Variants in ATP1A2 observed in about 807,000 individuals in gnomAD.
ATP1A2 encodes the protein ATPase Na+/K+ transporting subunit alpha 2.
ATP1A2 carries 56 observed loss-of-function variants against 113.1 expected under a neutral mutation model. The ratio of observed to expected loss-of-function variants is 0.49; its 90% CI spans 0.40 to 0.62. The LOEUF (loss-of-function observed/expected upper bound fraction) is 0.62, where lower values mean the gene tolerates loss of function less well. ATP1A2 is among the 20% of genes least tolerant of loss of function. The pLI, the probability that ATP1A2 is intolerant of heterozygous loss-of-function variation, is 0.00. For missense variants in ATP1A2, 712 were observed against 1,357.8 expected (o/e 0.52, Z 7.47); for synonymous variants, 490 against 526.8 (o/e 0.93, Z 0.96).
chr1:160,130,618 C>G, intron 13 of ATP1A2, 21 bp downstream of exon 13: 1 of 1,613,982 alleles, frequency 6.2e-7, no homozygotes, highest in African/African-American at 1.3e-5. Context: ...CCCATCCTCC[C>G]CTCCATTCTA....
In ATP1A2 at chr1:160,136,321, G is replaced by A. The variant is rs140646289; in HGVS notation, c.2514G>A (p.Thr838=). Residue 838 remains threonine, a synonymous_variant, in exon 18 of 23, where the codon ACG becomes ACA. Coordinates refer to ENST00000361216, the MANE Select transcript of ATP1A2 (RefSeq NM_000702.4). ...IMKRQPRNSQ[T]DKLVNERLIS... ...AGCGGCAGCCACGAAACTCCCAGAC[G>A]GACAAGCTGGTGAATGAGAGGCTCA... 2.3e-4 allele frequency: 376 copies of A among 1,614,190 alleles called. 1 individual carries two copies. The highest frequency in any genetic ancestry group is 3.0e-4 in the Non-Finnish European group (356 of 1,180,020).
intron 1 of ATP1A2, among the ~76,000 whole-genome samples, chr1:160,118,054 T>C (rs1382617105): frequency 1.3e-5 from 2 of 151,644 alleles, no homozygotes; most frequent in Non-Finnish European, 2.9e-5. Flanking sequence ...GAGCCTGAGA[T>C]CTTTGCCAGG....
chr1:160,121,353 A>T (rs1163350448), intron 3 of ATP1A2, 102 bp downstream of exon 3: 3 of 1,378,514 alleles, frequency 2.2e-6, no homozygotes, highest in African/African-American at 1.4e-5. Flanking sequence ...TTCTTTACAG[A>T]TGAGGAAACT....
At chr1:160,131,617 G>A (rs1469217716) in intron 13 of ATP1A2, among the ~76,000 whole-genome samples, 2 of 152,062 alleles carry the variant, frequency 1.3e-5, no homozygotes, top group African/African-American at 4.8e-5. Context: ...CCTGAGATAA[G>A]GAGTCCAAGA....
chr1:160,137,351 A>C (rs1570995997), intron 20 of ATP1A2: 4 of 411,808 alleles, frequency 9.7e-6, no homozygotes, highest in South Asian at 2.3e-5. Context: ...TTCTGTGCCC[A>C]CCCCTCCCCT....
chr1:160,134,771 G>A (rs1285538684), intron 14 of ATP1A2, 151 bp downstream of exon 14: 1 of 1,218,698 alleles, frequency 8.2e-7, no homozygotes, highest in Non-Finnish European at 1.2e-6. Flanking sequence ...TCAGCCCTGA[G>A]CTTGTATCCA....
At chr1:160,139,838 G>A in intron 21 of ATP1A2, 55 bp from the exon 22 acceptor site, 1 of 1,611,344 alleles carries the variant, frequency 6.2e-7, no homozygotes, top group Non-Finnish European at 8.5e-7. Flanking sequence ...TCCTTTATGT[G>A]ACAGCCACCA....
chr1:160,119,038 G>C (rs1292838872), intron 1 of ATP1A2, among the ~76,000 whole-genome samples: 3 of 151,788 alleles, frequency 2.0e-5, no homozygotes, highest in Admixed American at 2.0e-4. Context: ...TATGGGCTTT[G>C]GACGATAAAG....
intron 3 of ATP1A2, among the ~76,000 whole-genome samples, chr1:160,122,286 T>C (rs1253309815): frequency 1.3e-5 from 2 of 152,158 alleles, no homozygotes; most frequent in African/African-American, 4.8e-5. Context: ...TATGTATTTG[T>C]TTATTGTGTG....
rs114755032 is a variant in ATP1A2 at position 160,127,036 on chromosome 1, C to A, written c.749-516C>A. Among the ~76,000 whole-genome samples, 192 of 152,074 alleles carry A rather than the reference C, an allele frequency of 1.3e-3. 1 individual carries two copies. Among genetic ancestry groups the A allele is most frequent in the African/African-American group, 4.3e-3 (180 of 41,468 alleles). On this transcript the variant is annotated intron_variant, in intron 7 of 22. Coordinates refer to ENST00000361216, the MANE Select transcript of ATP1A2 (RefSeq NM_000702.4). ...GATTCAAACCCAAATTTGGCTGGCT[C>A]CAATGTGCATGCTTTTTTCAATACA...
intron 8 of ATP1A2, 52 bp downstream of exon 8, chr1:160,127,872 C>T (rs1651632282): frequency 1.3e-6 from 2 of 1,537,946 alleles, no homozygotes; most frequent in Non-Finnish European, 1.7e-6. Flanking sequence ...CTACTCTTTC[C>T]TCAGAGTGAT....
chr1:160,132,270 C>G (rs6686067), intron 13 of ATP1A2, among the ~76,000 whole-genome samples: 1 of 151,808 alleles, frequency 6.6e-6, no homozygotes, highest in African/African-American at 2.4e-5. Context: ...GACTGGAACA[C>G]TGGGTCAGAG....
rs748438293 is a variant in ATP1A2, at chr1:160,136,960, C to T, written c.2769C>T (p.Ile923=). The change falls in exon 20 of 23, where the codon ATC becomes ATT. Residue 923 remains isoleucine, a synonymous_variant. Coordinates refer to ENST00000361216, the MANE Select transcript of ATP1A2 (RefSeq NM_000702.4). The part of the protein sequence containing the change: ...FTCHTAFFAS[I]VVVQWADLII... ...GCCACACGGCATTCTTTGCCAGCAT[C>T]GTGGTGGTGCAGTGGGCTGACCTCA... The T allele has an allele frequency of 8.1e-6, 13 of 1,614,174 alleles. No individual in the cohort carries two copies. The highest frequency in any genetic ancestry group is 6.6e-5 in the South Asian group (6 of 91,080).
chr1:160,136,023 G>T, intron 17 of ATP1A2, 30 bp downstream of exon 17: 1 of 1,614,118 alleles, frequency 6.2e-7, no homozygotes, highest in Non-Finnish European at 8.5e-7. Context: ...GAGGGGACAG[G>T]CAAGGCAATC....
intron 22 of ATP1A2, 21 bp downstream of exon 22, chr1:160,140,005 C>G (rs1652084556): frequency 1.9e-6 from 3 of 1,610,834 alleles, no homozygotes; most frequent in Non-Finnish European, 2.5e-6. Flanking sequence ...CCACATTCCC[C>G]CCAGCAAAGT....
At chr1:160,137,285 TCTC>T in intron 20 of ATP1A2, 22 of 542,556 alleles carry the variant, frequency 4.1e-5, no homozygotes, top group East Asian at 1.8e-4. Context: ...CTTTCCCCCA[TCTC>T]CTACTTGAGT....
Position 160,136,375 on chromosome 1 carries a change from G to C in ATP1A2, c.2563+5G>C. On this transcript the variant is annotated splice_donor_5th_base_variant and intron_variant, in intron 18 of 22. Coordinates refer to ENST00000361216, the MANE Select transcript of ATP1A2 (RefSeq NM_000702.4). ...GCATGGCCTACGGACAGATCGGTGCGCCAAGCCCCGGGCCTCGGGAGGGAA... is the reference window on the plus strand; with the variant it reads ...GCATGGCCTACGGACAGATCGGTGCCCCAAGCCCCGGGCCTCGGGAGGGAA... 2 of 1,613,914 alleles carry C rather than the reference G, an allele frequency of 1.2e-6. No individual in the cohort carries two copies. The highest frequency in any genetic ancestry group is 1.7e-6 in the Non-Finnish European group (2 of 1,180,024).
intron 3 of ATP1A2, 117 bp downstream of exon 3, chr1:160,121,368 C>A (rs1287119625): frequency 2.4e-6 from 3 of 1,265,684 alleles, no homozygotes; most frequent in Non-Finnish European, 2.3e-6. Context: ...GAAACTGAGG[C>A]CCAGAAACAA....
intron 1 of ATP1A2, among the ~76,000 whole-genome samples, chr1:160,120,660 A>T (rs1480030451): frequency 6.6e-6 from 1 of 152,162 alleles, no homozygotes; most frequent in African/African-American, 2.4e-5. Context: ...TAAACCACTC[A>T]AGTGGTGCTT....
Sources: allele counts gnomAD v4.1 joint callset (sites outside exome capture counted in the v4.1 genomes callset), GRCh38; gene constraint gnomAD v4.1.1; transcripts MANE v1.5; gene names NCBI Gene and HGNC (gene_info 2026-07-23, HGNC 2026-07-21).